MEMO1: variants seen among roughly 807,000 people sequenced by gnomAD.
MEMO1 encodes protein MEMO1.
Under a neutral mutation model 45.2 loss-of-function variants are expected in MEMO1, and 6 were observed. The ratio of observed to expected loss-of-function variants is 0.13; its 90% CI spans 0.07 to 0.26. The LOEUF is 0.26. Ranked by LOEUF, MEMO1 falls within the 10% of genes least tolerant of loss-of-function variation. The pLI is 1.00. For missense variants in MEMO1, 184 were observed against 370.5 expected (o/e 0.50, Z 4.13); for synonymous variants, 78 against 124.3 (o/e 0.63, Z 2.48).
In MEMO1 at chr2:31,868,142, G is replaced by C. The variant is rs1673128855; in HGVS notation, c.*219C>G. 2 of 392,498 alleles carry C rather than the reference G, an allele frequency of 5.1e-6. No homozygotes were observed. The highest frequency in any genetic ancestry group is 8.4e-6 in the Non-Finnish European group (2 of 237,532). The allele number at this position is 392,498 out of a possible 1,614,324, so 24.3% of individuals were successfully genotyped here. The stretch of plus-strand genomic sequence containing the variant: ...TCATCTTTTTTGATCAAAATATTTT[G>C]ATGCCAGCCTTCCTTCCACTGCCCT... On this transcript the variant is annotated 3_prime_UTR_variant, in exon 10 of 10. Coordinates refer to ENST00000404530, the MANE Select transcript of MEMO1 (RefSeq NM_001301833.4).
rs70964741 is a variant in MEMO1, at chr2:31,925,475, C to CAA, written c.213-4567_213-4566dup. ...TGGGGGACAGAGCAAGACTCCGTCT[C>CAA]AAAAAAAAAAAAAAAAAAAAAAAAT... is the stretch of plus-strand genomic sequence containing the variant. On this transcript the variant is annotated intron_variant, in intron 4 of 9. Transcript: ENST00000404530. Among the ~76,000 whole-genome samples, 23 of 79,218 alleles carry CAA rather than the reference C, an allele frequency of 2.9e-4. 1 individual carries two copies. The highest frequency in any genetic ancestry group is 7.0e-4 in the African/African-American group (10 of 14,290). The allele number at this position is 79,218 out of a possible 152,430, so 52.0% of individuals were successfully genotyped here. A position where few individuals can be genotyped will look rare whatever the true frequency, so the allele number is the denominator to read the frequency against.
chr2:31,917,821 T>C, intron 6 of MEMO1, 105 bp downstream of exon 6: 2 of 685,776 alleles, frequency 2.9e-6, no homozygotes, highest in South Asian at 5.7e-5. Flanking sequence ...TTATCTCACA[T>C]CTTAATCTCC....
At chr2:31,987,423 T>G (rs1225482364) in intron 2 of MEMO1, among the ~76,000 whole-genome samples, 1 of 152,224 alleles carries the variant, frequency 6.6e-6, no homozygotes, top group Non-Finnish European at 1.5e-5. Flanking sequence ...AATTAAAAAA[T>G]CATTAATGAT....
chr2:32,003,880 C>T (rs922870754), intron 2 of MEMO1, among the ~76,000 whole-genome samples: 1 of 152,084 alleles, frequency 6.6e-6, no homozygotes, highest in Non-Finnish European at 1.5e-5. Context: ...AGTGAGACAC[C>T]ATCTCTACAA....
chr2:31,957,743 C>G (rs1357095314), intron 2 of MEMO1, among the ~76,000 whole-genome samples: 8 of 152,206 alleles, frequency 5.3e-5, no homozygotes, highest in Non-Finnish European at 1.2e-4. Flanking sequence ...TTAACAGTTA[C>G]AACAGTTTTA....
intron 2 of MEMO1, among the ~76,000 whole-genome samples, chr2:31,993,573 G>A (rs1466422729): frequency 2.0e-5 from 3 of 152,162 alleles, no homozygotes; most frequent in Non-Finnish European, 1.5e-5. Flanking sequence ...AGAAGAGGAA[G>A]CTAAACAACA....
chr2:31,895,770 G>A (rs1370123205), intron 6 of MEMO1, among the ~76,000 whole-genome samples: 1 of 145,850 alleles, frequency 6.9e-6, no homozygotes, highest in Non-Finnish European at 1.5e-5. Flanking sequence ...AGTATGATAA[G>A]CACAAAGAGA....
intron 3 of MEMO1, among the ~76,000 whole-genome samples, chr2:31,935,423 G>A (rs368068917): frequency 3.0e-4 from 45 of 152,180 alleles, no homozygotes; most frequent in South Asian, 2.9e-3. Flanking sequence ...CTCAGATTTC[G>A]TGGTTTCAGT....
At chr2:31,908,349 C>T (rs773418029) in intron 6 of MEMO1, among the ~76,000 whole-genome samples, 3 of 151,974 alleles carry the variant, frequency 2.0e-5, no homozygotes, top group Non-Finnish European at 2.9e-5. Flanking sequence ...TTCAGACTTC[C>T]TCCCATATGG....
At chr2:31,990,767 A>G (rs1671854019) in intron 2 of MEMO1, among the ~76,000 whole-genome samples, 1 of 152,028 alleles carries the variant, frequency 6.6e-6, no homozygotes, top group African/African-American at 2.4e-5. Context: ...CTAGTGATAT[A>G]CATAACCCAC....
chr2:32,002,796 C>T (rs1342642930), intron 2 of MEMO1, among the ~76,000 whole-genome samples: 1 of 152,102 alleles, frequency 6.6e-6, no homozygotes. Context: ...GCAGTTGACA[C>T]GAACCATGGA....
At chr2:31,982,297 G>C (rs1288416107) in intron 2 of MEMO1, among the ~76,000 whole-genome samples, 1 of 82,254 alleles carries the variant, frequency 1.2e-5, no homozygotes, top group Non-Finnish European at 2.4e-5. Flanking sequence ...CTCTGTCTTC[G>C]AAAAAAAAAA....
At chr2:31,887,898 A>C (rs1676423591) in intron 7 of MEMO1, among the ~76,000 whole-genome samples, 1 of 152,134 alleles carries the variant, frequency 6.6e-6, no homozygotes, top group African/African-American at 2.4e-5. Context: ...GAATAATCAC[A>C]TTAATATACA....
chr2:31,891,179 A>C (rs1676922984), intron 7 of MEMO1, among the ~76,000 whole-genome samples: 1 of 152,204 alleles, frequency 6.6e-6, no homozygotes, highest in Admixed American at 6.5e-5. Context: ...GTTTCCTTAT[A>C]ATCAAAGAAA....
At chr2:31,868,731 C>T in intron 9 of MEMO1, among the ~76,000 whole-genome samples, 1 of 151,638 alleles carries the variant, frequency 6.6e-6, no homozygotes, top group African/African-American at 2.4e-5. Flanking sequence ...CATCATTTAC[C>T]CTCCCTCTCC....
Position 31,967,123 on chromosome 2 carries a change from TA to T in MEMO1, c.62-23741del, listed in dbSNP as rs1207519324. ...ATTTACCAGTCAATAGTCAGTATTT[TA>T]TTTTTTTTTTTTTTTTGGAGACGGA... On this transcript the variant is annotated intron_variant, in intron 2 of 9. Transcript: ENST00000404530. Among the ~76,000 whole-genome samples, 69 of 85,628 alleles carry T rather than the reference TA, an allele frequency of 8.1e-4. No individual in the cohort carries two copies. The East Asian group carries it at 0.012, about 15-fold the overall frequency. The allele number at this position is 85,628 out of a possible 152,430, so 56.2% of individuals were successfully genotyped here. A position where few individuals can be genotyped will look rare whatever the true frequency, so the allele number is the denominator to read the frequency against.
chr2:31,914,023 G>A (rs1238106842), intron 6 of MEMO1, among the ~76,000 whole-genome samples: 3 of 152,176 alleles, frequency 2.0e-5, no homozygotes, highest in Non-Finnish European at 4.4e-5. Context: ...CTGCTAGAGA[G>A]GATTCACCAC....
intron 2 of MEMO1, among the ~76,000 whole-genome samples, chr2:32,008,781 T>C (rs1351864425): frequency 6.6e-6 from 1 of 152,214 alleles, no homozygotes; most frequent in Non-Finnish European, 1.5e-5. Context: ...TAGCTGCAAA[T>C]CCAATCCTCA....
At chr2:31,997,722 C>T (rs1364607697) in intron 2 of MEMO1, among the ~76,000 whole-genome samples, 1 of 152,138 alleles carries the variant, frequency 6.6e-6, no homozygotes. Flanking sequence ...GAAAGTTAAG[C>T]AGAGGTCATA....
Sources: gnomAD v4.1 joint callset for allele counts (sites outside exome capture counted in the v4.1 genomes callset) on GRCh38, gnomAD v4.1.1 for gene constraint, MANE v1.5 for transcripts, NCBI Gene and HGNC (gene_info 2026-07-23, HGNC 2026-07-21) for gene names.